Variants in CNTN3 observed in about 807,000 individuals in gnomAD.
The protein encoded by CNTN3 is contactin-3.
CNTN3 carries 60 observed loss-of-function variants against 119.1 expected under a neutral mutation model. The ratio of observed to expected loss-of-function variants is 0.50; its 90% CI spans 0.41 to 0.62. The LOEUF (loss-of-function observed/expected upper bound fraction) is 0.62. CNTN3 is among the 20% of genes least tolerant of loss of function. The pLI is 0.00. For missense variants in CNTN3, 1,101 were observed against 1,242.4 expected (o/e 0.89, Z 1.71); for synonymous variants, 450 against 438.7 (o/e 1.03, Z -0.32).
chr3:74,607,430 GA>G (rs1705011141), intron 1 of CNTN3, among the ~76,000 whole-genome samples: 1 of 152,300 alleles, frequency 6.6e-6, no homozygotes, highest in South Asian at 2.1e-4. Context: ...TTCTATGCAA[GA>G]AATAAAATGA....
chr3:74,351,031 T>C (rs963575584), intron 11 of CNTN3, among the ~76,000 whole-genome samples: 3 of 152,168 alleles, frequency 2.0e-5, no homozygotes, highest in African/African-American at 7.2e-5. Flanking sequence ...ACTCCAGCAC[T>C]ATACAATATG....
In CNTN3 at chr3:74,301,772, T is replaced by A; in HGVS notation, c.1820A>T (p.Asp607Val). 1 of 1,614,114 alleles carries A rather than the reference T, an allele frequency of 6.2e-7. No homozygotes were observed. The highest frequency in any genetic ancestry group is 8.5e-7 in the Non-Finnish European group (1 of 1,179,976). ...SPGPPENVKV[D>V]EITDTTAQLS... The stretch of plus-strand genomic sequence containing the variant: ...TTGGGCTGTTGTGTCTGTAATTTCA[T>A]CTACCTTCACATTTTCTGGTGGTCC... Residue 607 changes from aspartate to valine, a missense_variant, in exon 15 of 23, where the codon GAT becomes GTT. Asp to Val is a radical substitution (Grantham distance 152, BLOSUM62 -3). Transcript: ENST00000263665.
At chr3:74,507,622 C>G (rs1478899845) in intron 2 of CNTN3, among the ~76,000 whole-genome samples, 2 of 120,452 alleles carry the variant, frequency 1.7e-5, no homozygotes, top group African/African-American at 6.2e-5. Flanking sequence ...TTCTTTCTTT[C>G]TTTCTTTTTT....
At chr3:74,344,374 T>C (rs1430069122) in intron 11 of CNTN3, among the ~76,000 whole-genome samples, 2 of 150,554 alleles carry the variant, frequency 1.3e-5, no homozygotes, top group Admixed American at 6.6e-5. Flanking sequence ...ATTTAAGTAG[T>C]TCATTTACAA....
intron 11 of CNTN3, among the ~76,000 whole-genome samples, chr3:74,343,056 A>G (rs773094710): frequency 6.6e-6 from 1 of 152,218 alleles, no homozygotes; most frequent in Non-Finnish European, 1.5e-5. Context: ...TGACACTACT[A>G]TTCTTCTATG....
At chr3:74,491,367 A>T (rs1420871289) in intron 3 of CNTN3, among the ~76,000 whole-genome samples, 1 of 151,850 alleles carries the variant, frequency 6.6e-6, no homozygotes, top group Admixed American at 6.6e-5. Context: ...GCCAGGTGTG[A>T]TGGCATGTGC....
intron 20 of CNTN3, among the ~76,000 whole-genome samples, chr3:74,281,761 T>C (rs533880881): frequency 4.5e-4 from 68 of 152,098 alleles, no homozygotes; most frequent in Non-Finnish European, 5.1e-4. Context: ...AACTGAAACA[T>C]TGGAGTGGAA....
intron 4 of CNTN3, among the ~76,000 whole-genome samples, chr3:74,486,122 T>C (rs1272864274): frequency 5.9e-5 from 9 of 152,044 alleles, no homozygotes; most frequent in African/African-American, 2.2e-4. Context: ...ATGCACATAG[T>C]AGCTGCTCAA....
intron 4 of CNTN3, among the ~76,000 whole-genome samples, chr3:74,475,301 C>T (rs924625283): frequency 1.3e-5 from 2 of 152,138 alleles, no homozygotes; most frequent in African/African-American, 4.8e-5. Context: ...AAAATTAAAT[C>T]AAATGCATAT....
intron 1 of CNTN3, among the ~76,000 whole-genome samples, chr3:74,573,070 G>A (rs998083530): frequency 6.6e-6 from 1 of 152,182 alleles, no homozygotes; most frequent in African/African-American, 2.4e-5. Context: ...CACAAGGCAC[G>A]TGACTCCCTG....
intron 14 of CNTN3, 151 bp downstream of exon 14, chr3:74,302,539 C>T (rs761047487): frequency 3.6e-6 from 2 of 560,220 alleles, no homozygotes; most frequent in Non-Finnish European, 6.5e-6. Context: ...TTAGCACTCA[C>T]CCCTATTGTC....
chr3:74,311,066 GTTAT>G (rs796391545), intron 13 of CNTN3, among the ~76,000 whole-genome samples: 65 of 152,256 alleles, frequency 4.3e-4, no homozygotes, highest in African/African-American at 1.5e-3. Context: ...TCCAAGATAG[GTTAT>G]TTATTTATTT....
chr3:74,583,669 C>G (rs1373462257), intron 1 of CNTN3, among the ~76,000 whole-genome samples: 1 of 152,148 alleles, frequency 6.6e-6, no homozygotes, highest in Non-Finnish European at 1.5e-5. Context: ...TGGGTATAAT[C>G]AACTGACAAA....
chr3:74,492,427 T>C (rs753277970), intron 3 of CNTN3, among the ~76,000 whole-genome samples: 1 of 152,150 alleles, frequency 6.6e-6, no homozygotes, highest in African/African-American at 2.4e-5. Context: ...ACAGGGACAC[T>C]GGCTAGAAAA....
intron 5 of CNTN3, among the ~76,000 whole-genome samples, chr3:74,382,423 C>T (rs1011718288): frequency 6.6e-6 from 1 of 152,090 alleles, no homozygotes; most frequent in Non-Finnish European, 1.5e-5. Context: ...TCACTAACTA[C>T]GGTCACCATA....
At chr3:74,273,417 C>T (rs1348521362) in intron 20 of CNTN3, among the ~76,000 whole-genome samples, 2 of 152,148 alleles carry the variant, frequency 1.3e-5, no homozygotes, top group Admixed American at 6.5e-5. Flanking sequence ...CCTGAGAGGA[C>T]CCACAGACCC....
At chr3:74,478,337 G>A (rs183226046) in intron 4 of CNTN3, among the ~76,000 whole-genome samples, 128 of 152,188 alleles carry the variant, frequency 8.4e-4, no homozygotes, top group Non-Finnish European at 1.3e-3. Context: ...TCTCTGTCCC[G>A]TCCACATAGC....
intron 13 of CNTN3, among the ~76,000 whole-genome samples, chr3:74,311,964 G>A (rs1165908988): frequency 2.2e-5 from 3 of 135,936 alleles, no homozygotes; most frequent in Non-Finnish European, 3.1e-5. Flanking sequence ...GTTCAGTGTG[G>A]ACAATTCCGT....
chr3:74,369,733 T>C (rs114439616), intron 7 of CNTN3, among the ~76,000 whole-genome samples, 156 bp downstream of exon 7: 4,896 of 152,128 alleles, frequency 0.032, 112 homozygotes, highest in Middle Eastern at 0.071. Context: ...TCAAACTCAA[T>C]TTTATATGTG....
Sources: gnomAD v4.1 joint callset for allele counts (sites outside exome capture counted in the v4.1 genomes callset) on GRCh38, gnomAD v4.1.1 for gene constraint, MANE v1.5 for transcripts, NCBI Gene and HGNC (gene_info 2026-07-23, HGNC 2026-07-21) for gene names.